WDR7: variants seen among roughly 807,000 people sequenced by gnomAD.
WDR7 encodes the protein WD repeat-containing protein 7.
WDR7 carries 46 observed loss-of-function variants against 169.4 expected under a neutral mutation model. That is an observed-to-expected ratio of 0.27 (90% confidence interval 0.21 to 0.35). The LOEUF (loss-of-function observed/expected upper bound fraction) is 0.35. WDR7 is among the 10% of genes least tolerant of loss of function. The probability of loss-of-function intolerance (pLI) is 1.00; values close to 1 mark genes in which losing one functional copy is unlikely to be tolerated. For synonymous variants in WDR7, 612 were observed against 666.8 expected, an observed-to-expected ratio of 0.92 and a Z score of 1.27; for missense variants, 1,534 against 1,859.3, an observed-to-expected ratio of 0.83 and a Z score of 3.22.
chr18:56,831,205 C>A (rs1447533258), intron 20 of WDR7, among the ~76,000 whole-genome samples: 3 of 151,972 alleles, frequency 2.0e-5, no homozygotes, highest in Non-Finnish European at 4.4e-5. Context: ...GGAGAGAGAG[C>A]AAGAGGTGGT....
chr18:57,022,711 A>T (rs1053490074), intron 27 of WDR7, among the ~76,000 whole-genome samples: 1 of 152,160 alleles, frequency 6.6e-6, no homozygotes, highest in Non-Finnish European at 1.5e-5. Flanking sequence ...TATTTATATC[A>T]AAATTACTGC....
intron 13 of WDR7, among the ~76,000 whole-genome samples, chr18:56,727,712 G>A (rs752244580): frequency 1.3e-5 from 2 of 152,138 alleles, no homozygotes; most frequent in African/African-American, 4.8e-5. Flanking sequence ...GACTCAGGGC[G>A]AAACCATATC....
At chr18:56,771,743 G>A (rs1415090559) in intron 16 of WDR7, among the ~76,000 whole-genome samples, 1 of 151,894 alleles carries the variant, frequency 6.6e-6, no homozygotes, top group East Asian at 1.9e-4. Flanking sequence ...TTAGCCAGGT[G>A]TGGTGGTGCG....
chr18:56,845,838 G>A (rs955717714), intron 20 of WDR7, among the ~76,000 whole-genome samples: 1 of 152,092 alleles, frequency 6.6e-6, no homozygotes, highest in East Asian at 1.9e-4. Context: ...AGAAACAATT[G>A]TTTTATTATT....
intron 16 of WDR7, among the ~76,000 whole-genome samples, chr18:56,771,052 G>C (rs2044147365): frequency 6.6e-6 from 1 of 152,128 alleles, no homozygotes; most frequent in Non-Finnish European, 1.5e-5. Context: ...TACAACAACT[G>C]ACCCAAACAA....
intron 21 of WDR7, chr18:56,890,899 C>T (rs544672288): frequency 8.5e-5 from 13 of 152,320 alleles, no homozygotes; most frequent in East Asian, 5.8e-4. Context: ...TAGACAGTGA[C>T]TCTTCACTTA....
intron 15 of WDR7, 45 bp from the exon 16 acceptor site, chr18:56,758,820 T>C (rs1195348073): frequency 1.3e-5 from 19 of 1,441,396 alleles, no homozygotes; most frequent in Non-Finnish European, 1.7e-5. Flanking sequence ...TCTGGAAATA[T>C]GACAGTATCA....
At chr18:56,943,567 G>T (rs2047061327) in intron 25 of WDR7, among the ~76,000 whole-genome samples, 1 of 151,842 alleles carries the variant, frequency 6.6e-6, no homozygotes, top group Non-Finnish European at 1.5e-5. Flanking sequence ...ATTTTTCCAT[G>T]GATCTCTCTA....
intron 26 of WDR7, among the ~76,000 whole-genome samples, chr18:56,991,039 C>A (rs1186575389): frequency 6.6e-6 from 1 of 152,154 alleles, no homozygotes; most frequent in Non-Finnish European, 1.5e-5. Flanking sequence ...TTGCTCACTG[C>A]CTGTTCTCCT....
intron 21 of WDR7, among the ~76,000 whole-genome samples, chr18:56,895,694 A>G (rs2046323601): frequency 1.3e-5 from 2 of 151,846 alleles, no homozygotes; most frequent in African/African-American, 4.8e-5. Context: ...AAATATGTAT[A>G]TCTACCATGT....
At chr18:56,850,945 C>A (rs928671227) in intron 20 of WDR7, among the ~76,000 whole-genome samples, 1 of 152,136 alleles carries the variant, frequency 6.6e-6, no homozygotes, top group African/African-American at 2.4e-5. Flanking sequence ...CCTCACTGCT[C>A]CCAAATCTAG....
chr18:56,652,119 C>G (rs1224210782), intron 1 of WDR7, among the ~76,000 whole-genome samples: 1 of 152,130 alleles, frequency 6.6e-6, no homozygotes, highest in African/African-American at 2.4e-5. Flanking sequence ...TGGGTCCCAG[C>G]GTTCTGAAGC....
At chr18:56,965,438 CTT>C (rs144014488) in intron 26 of WDR7, among the ~76,000 whole-genome samples, 2 of 142,262 alleles carry the variant, frequency 1.4e-5, no homozygotes, top group African/African-American at 2.6e-5. Flanking sequence ...TGACTTCTGC[CTT>C]TTTTTTTTTA....
At chr18:56,924,155 T>C in intron 22 of WDR7, 47 bp downstream of exon 22, 1 of 1,599,068 alleles carries the variant, frequency 6.3e-7, no homozygotes, top group South Asian at 1.2e-5. Flanking sequence ...TTTTTTGTTT[T>C]AGGGGTTTTT....
intron 20 of WDR7, among the ~76,000 whole-genome samples, chr18:56,854,376 T>A (rs2045686197): frequency 6.6e-6 from 1 of 152,222 alleles, no homozygotes; most frequent in Non-Finnish European, 1.5e-5. Flanking sequence ...TTACAAAGGA[T>A]ACACATGAAG....
At chr18:57,035,728 A>C in the WDR7 span, 1 of 152,322 alleles carries the variant, frequency 6.6e-6, no homozygotes, top group Non-Finnish European at 1.5e-5. Context: ...TGGTGGGTGC[A>C]ATCATCATAA....
intron 20 of WDR7, among the ~76,000 whole-genome samples, chr18:56,877,933 A>T (rs1329940154): frequency 6.6e-6 from 1 of 152,176 alleles, no homozygotes; most frequent in South Asian, 2.1e-4. Context: ...TCAGTATTTT[A>T]TAAGGTTCAT....
At chr18:56,942,257 CA>C (rs139278480) in intron 25 of WDR7, among the ~76,000 whole-genome samples, 2,232 of 152,200 alleles carry the variant, frequency 0.015, 16 homozygotes, top group African/African-American at 0.026. Context: ...TCATGCAACC[CA>C]TGACACAAAA....
intron 27 of WDR7, among the ~76,000 whole-genome samples, chr18:57,025,421 C>T (rs1346332690): frequency 2.0e-5 from 3 of 152,102 alleles, no homozygotes; most frequent in African/African-American, 7.2e-5. Context: ...AGCAATAAGG[C>T]ATTGATTTTT....
Sources: gnomAD v4.1 joint callset for allele counts (sites outside exome capture counted in the v4.1 genomes callset) on GRCh38, gnomAD v4.1.1 for gene constraint, MANE v1.5 for transcripts, NCBI Gene and HGNC (gene_info 2026-07-23, HGNC 2026-07-21) for gene names.